KATNIP: variants seen among roughly 807,000 people sequenced by gnomAD.
KATNIP encodes katanin interacting protein.
In KATNIP, 126 loss-of-function variants were observed where a neutral mutation model predicts 174.0. The observed-to-expected ratio is 0.72, with a 90% CI of 0.63 to 0.84. The LOEUF (loss-of-function observed/expected upper bound fraction) is 0.84, where lower values mean the gene tolerates loss of function less well. KATNIP is among the 40% of genes least tolerant of loss of function. The probability of loss-of-function intolerance (pLI) is 0.00; values close to 1 mark genes in which losing one functional copy is unlikely to be tolerated. For synonymous variants in KATNIP, 810 were observed against 835.7 expected, an observed-to-expected ratio of 0.97 and a Z score of 0.53; for missense variants, 1,958 against 2,109.7, an observed-to-expected ratio of 0.93 and a Z score of 1.41.
chr16:27,654,625 C>A, intron 6 of KATNIP: 1 of 1,352,068 alleles, frequency 7.4e-7, no homozygotes, highest in Non-Finnish European at 9.8e-7. Flanking sequence ...AATCTCCCAC[C>A]AGTACCAAGC....
At chr16:27,581,223 T>A (rs1385886859) in intron 2 of KATNIP, among the ~76,000 whole-genome samples, 1 of 152,236 alleles carries the variant, frequency 6.6e-6, no homozygotes, top group Non-Finnish European at 1.5e-5. Context: ...ATCTAGTCAT[T>A]AATAGTCTTT....
chr16:27,653,107 G>T (rs763986878), intron 6 of KATNIP, among the ~76,000 whole-genome samples: 1 of 151,970 alleles, frequency 6.6e-6, no homozygotes, highest in Admixed American at 6.6e-5. Context: ...ATAACCATCC[G>T]GACTAAAAAT....
At chr16:27,620,734 G>A (rs1029869158) in intron 3 of KATNIP, among the ~76,000 whole-genome samples, 3 of 151,882 alleles carry the variant, frequency 2.0e-5, no homozygotes, top group African/African-American at 2.4e-5. Context: ...TCTGTAACCC[G>A]AGAAGGGGGG....
chr16:27,778,008 G>A (rs2082564160), intron 27 of KATNIP, 39 bp downstream of exon 27: 2 of 1,586,936 alleles, frequency 1.3e-6, no homozygotes, highest in Non-Finnish European at 1.7e-6. Flanking sequence ...TGTGCCTTGG[G>A]AGCTCGGTCT....
intron 7 of KATNIP, chr16:27,679,109 G>C (rs907189119): frequency 6.6e-6 from 1 of 152,242 alleles, no homozygotes; most frequent in Non-Finnish European, 1.5e-5. Context: ...GGAATGTTTG[G>C]AATCAGACAG....
intron 2 of KATNIP, among the ~76,000 whole-genome samples, chr16:27,584,520 A>T (rs2090817029): frequency 6.6e-6 from 1 of 152,148 alleles, no homozygotes; most frequent in Non-Finnish European, 1.5e-5. Flanking sequence ...AAAGCCGTGC[A>T]TGGGGGCTCA....
chr16:27,618,951 G>A (rs1322023744), intron 3 of KATNIP, among the ~76,000 whole-genome samples: 5 of 152,172 alleles, frequency 3.3e-5, no homozygotes, highest in African/African-American at 1.2e-4. Flanking sequence ...AGTTAAAGTA[G>A]GACTGATTTT....
At chr16:27,555,996 C>T (rs558278545) in intron 1 of KATNIP, among the ~76,000 whole-genome samples, 1 of 151,300 alleles carries the variant, frequency 6.6e-6, no homozygotes, top group African/African-American at 2.4e-5. Context: ...GGTGTGGTGG[C>T]GGGTGCCTGT....
At chr16:27,609,374 A>G (rs2075815612) in intron 2 of KATNIP, among the ~76,000 whole-genome samples, 1 of 130,702 alleles carries the variant, frequency 7.7e-6, no homozygotes, top group South Asian at 2.8e-4. Context: ...TATCTGAGTT[A>G]AGTCTTTTTT....
At chr16:27,574,558 C>CTTTTTTTTTTTTTTTTTTTTTTTTT in intron 2 of KATNIP, among the ~76,000 whole-genome samples, 1 of 53,486 alleles carries the variant, frequency 1.9e-5, no homozygotes, top group Non-Finnish European at 3.2e-5. Context: ...ACTTTCTATT[C>CTTTTTTTTTTTTTTTTTTTTTTTTT]TTTTTTTTTT....
chr16:27,739,762 T>TTAGTAGGC (rs1278169371), intron 14 of KATNIP, among the ~76,000 whole-genome samples: 1 of 152,078 alleles, frequency 6.6e-6, no homozygotes, highest in Non-Finnish European at 1.5e-5. Flanking sequence ...GGGAGACCCA[T>TTAGTAGGC]TAGTAGGCTA....
intron 8 of KATNIP, among the ~76,000 whole-genome samples, chr16:27,691,195 G>C (rs573629708): frequency 2.0e-5 from 3 of 152,168 alleles, no homozygotes; most frequent in Non-Finnish European, 2.9e-5. Context: ...CTGGTGGCTG[G>C]TGAGCCGACC....
At chr16:27,696,342 T>G (rs1400252247) in intron 8 of KATNIP, among the ~76,000 whole-genome samples, 2 of 152,254 alleles carry the variant, frequency 1.3e-5, no homozygotes. Context: ...TTTTTTATTT[T>G]TATTTTTTTA....
chr16:27,600,682 C>A (rs1041652397), intron 2 of KATNIP, among the ~76,000 whole-genome samples: 4 of 151,754 alleles, frequency 2.6e-5, no homozygotes, highest in African/African-American at 9.7e-5. Context: ...CGCCAGTAAT[C>A]CCAGGCCCCC....
At chr16:27,638,332 T>G (rs1215996193) in intron 5 of KATNIP, among the ~76,000 whole-genome samples, 1 of 152,118 alleles carries the variant, frequency 6.6e-6, no homozygotes, top group African/African-American at 2.4e-5. Context: ...AGCTATACCA[T>G]TATTACCGTC....
intron 2 of KATNIP, among the ~76,000 whole-genome samples, chr16:27,600,732 CTT>C (rs747524073): frequency 1.8e-4 from 25 of 142,314 alleles, no homozygotes; most frequent in Admixed American, 4.2e-4. Flanking sequence ...GCTGCCTCCT[CTT>C]TTTTTTTTTT....
intron 13 of KATNIP, 124 bp from the exon 14 acceptor site, chr16:27,721,434 G>A: frequency 8.7e-7 from 1 of 1,144,924 alleles, no homozygotes; most frequent in South Asian, 1.3e-5. Context: ...GGGTGGCCTG[G>A]CTGTCTGCCC....
At chr16:27,681,580 C>T (rs760011936) in intron 8 of KATNIP, 50 bp downstream of exon 8, 1 of 1,610,568 alleles carries the variant, frequency 6.2e-7, no homozygotes, top group South Asian at 1.1e-5. Flanking sequence ...GCGACTGGGT[C>T]ACTCTCTGGG....
At chr16:27,757,417 G>C (rs748011206) in intron 18 of KATNIP, 100 of 825,048 alleles carry the variant, frequency 1.2e-4, no homozygotes, top group Non-Finnish European at 1.4e-4. Flanking sequence ...GTCAGAGTGT[G>C]GTCACCAGAA....
Sources: allele counts gnomAD v4.1 joint callset (sites outside exome capture counted in the v4.1 genomes callset), GRCh38; gene constraint gnomAD v4.1.1; transcripts MANE v1.5; gene names NCBI Gene and HGNC (gene_info 2026-07-23, HGNC 2026-07-21).